Variants in METTL3 observed in about 807,000 individuals in gnomAD.
METTL3 encodes methyltransferase 3, N6-adenosine-methyltransferase complex catalytic subunit.
Under a neutral mutation model 64.3 loss-of-function variants are expected in METTL3, and 42 were observed. The ratio of observed to expected loss-of-function variants is 0.65; its 90% CI spans 0.51 to 0.84. The LOEUF (loss-of-function observed/expected upper bound fraction) is 0.84, where lower values mean the gene tolerates loss of function less well. Ranked by LOEUF, METTL3 falls within the 40% of genes least tolerant of loss-of-function variation. METTL3 has a pLI of 0.00. For synonymous variants in METTL3, 256 were observed against 263.6 expected (o/e 0.97, Z 0.28); for missense variants, 435 against 722.3 (o/e 0.60, Z 4.56).
Position 21,503,442 on chromosome 14 carries a change from T to C in METTL3, c.454A>G (p.Lys152Glu). Residue 152 changes from lysine to glutamate, a missense_variant, in exon 3 of 11, where the codon AAG becomes GAG. Around this residue, in one of 9 missense-constraint regions of METTL3, gnomAD observed 228 missense variants for 279.6 expected, o/e 0.82. Transcript: ENST00000298717. ...ACAGCACCCATCATGGCAGAGAGCT[T>C]GGAATGGTCAGCATAGGTTACAAGA... ...PTLVTYADHS[K>E]LSAMMGAVAE... 1 of 1,614,024 alleles carries C rather than the reference T, an allele frequency of 6.2e-7. No homozygotes were observed. The highest frequency in any genetic ancestry group is 8.5e-7 in the Non-Finnish European group (1 of 1,180,022).
intron 6 of METTL3, 25 bp from the exon 7 acceptor site, chr14:21,499,827 T>A: frequency 6.2e-7 from 1 of 1,609,096 alleles, no homozygotes; most frequent in Non-Finnish European, 8.5e-7. Context: ...GTTAAACAAC[T>A]ATTTGTATGC....
intron 5 of METTL3, 84 bp from the exon 6 acceptor site, chr14:21,500,766 C>A: frequency 6.7e-7 from 1 of 1,493,542 alleles, no homozygotes; most frequent in Non-Finnish European, 9.1e-7. Flanking sequence ...TTGATTTTTC[C>A]TATTCCCTTA....
In METTL3 at chr14:21,499,763, C is replaced by A; in HGVS notation, c.1343+1G>T. ...AAGAAAGCAACACAACCACTACTTA[C>A]CCCCAGAGGTTTAGACATTCTCTCC... On this transcript the variant is annotated splice_donor_variant, in intron 7 of 10. Transcript: ENST00000298717. LOFTEE classifies it high-confidence loss of function. The A allele has an allele frequency of 6.2e-7, 1 of 1,612,662 alleles. No individual in the cohort carries two copies. Among genetic ancestry groups the A allele is most frequent in the Non-Finnish European group, 8.5e-7 (1 of 1,178,706 alleles).
intron 1 of METTL3, among the ~76,000 whole-genome samples, chr14:21,506,540 C>T (rs1042820681): frequency 2.6e-5 from 4 of 151,826 alleles, no homozygotes; most frequent in Non-Finnish European, 5.9e-5. Context: ...GGTGACAGAG[C>T]GAGACTCCGT....
At position 21,509,056 on chromosome 14, in the gene METTL3, T is replaced by C. The variant is rs578218755; in HGVS notation, c.100+2068A>G. On this transcript the variant is annotated intron_variant, in intron 1 of 10. Transcript: ENST00000298717. ...AGCGGCTTTTTAAAAGTTAATTTTG[T>C]AGGCCAGGCATGGTGGCTCACGCCT... 1.8e-3 allele frequency among the ~76,000 whole-genome samples: 275 copies of C among 151,226 alleles called. 1 individual carries two copies. Among genetic ancestry groups the C allele is most frequent in the Middle Eastern group, 0.015 (4 of 270 alleles).
chr14:21,510,210 T>A (rs1404331540), intron 1 of METTL3, among the ~76,000 whole-genome samples: 2 of 152,224 alleles, frequency 1.3e-5, no homozygotes, highest in Admixed American at 6.5e-5. Flanking sequence ...TTTTGTCTAA[T>A]TAGACCCATG....
rs751076773 is a variant in METTL3, at chr14:21,499,781, TTCTC to T, written c.1322_1325del (p.Arg441AsnfsTer3). On this transcript the variant is annotated frameshift_variant, in exon 7 of 11. Coordinates refer to ENST00000298717, the MANE Select transcript of METTL3 (RefSeq NM_019852.5). LOFTEE classifies it high-confidence loss of function. ...CTACTTACCCCCAGAGGTTTAGACA[TTCTC>T]TCCCCAACTCCATGGCCCTAGAAAG... The T allele has an allele frequency of 6.2e-7, 1 of 1,613,218 alleles. No homozygotes were observed. Among genetic ancestry groups the T allele is most frequent in the Admixed American group, 1.7e-5 (1 of 59,996 alleles).
At chr14:21,498,844 G>A (rs1457333512) in intron 10 of METTL3, 181 bp downstream of exon 10, 1 of 581,660 alleles carries the variant, frequency 1.7e-6, no homozygotes, top group East Asian at 2.9e-5. Flanking sequence ...AGAACCTGTT[G>A]AGTTTCTAAT....
chr14:21,504,380 C>A (rs1891646773), intron 1 of METTL3: 2 of 155,424 alleles, frequency 1.3e-5, no homozygotes, highest in African/African-American at 4.8e-5. Context: ...AATCTTAATA[C>A]TTTGCTGAAG....
At position 21,503,892 on chromosome 14, in the gene METTL3, A is replaced by T; in HGVS notation, c.101-11T>A. 1 of 1,611,792 alleles carries T rather than the reference A, an allele frequency of 6.2e-7. No homozygotes were observed. ...CTGGATTCCGTAGATCTAAGAATGA[A>T]GAGAAGTGAAAATGAAAAAAGGCAA... On this transcript the variant is annotated splice_polypyrimidine_tract_variant and intron_variant, in intron 1 of 10. Transcript: ENST00000298717.
At chr14:21,498,741 A>AG (rs1289747203) in intron 10 of METTL3, 2 of 471,270 alleles carry the variant, frequency 4.2e-6, no homozygotes, top group South Asian at 2.9e-5. Flanking sequence ...CGTAACCACC[A>AG]GGGGGCAGAT....
In METTL3 at chr14:21,499,565, G is replaced by A; in HGVS notation, c.1379C>T (p.Thr460Ile). ...ERVDEIIWVK[T>I]NQLQRIIRTG... ...CCGAATGATGCGTTGCAGTTGATTT[G>A]TCTTCACCCAAATAATTTCATCTAC... The change falls in exon 8 of 11, where the codon ACA becomes ATA. Residue 460 changes from threonine (T) to isoleucine (I), a missense_variant. By Grantham distance (89) the Thr-to-Ile change is moderately conservative (BLOSUM62 -1). Around this residue, in one of 9 missense-constraint regions of METTL3, gnomAD observed 36 missense variants for 73.0 expected, o/e 0.49. Coordinates refer to ENST00000298717, the MANE Select transcript of METTL3 (RefSeq NM_019852.5). The A allele has an allele frequency of 6.2e-7, 1 of 1,614,150 alleles. No homozygotes were observed. Among genetic ancestry groups the A allele is most frequent in the Non-Finnish European group, 8.5e-7 (1 of 1,180,026 alleles).
chr14:21,509,562 A>G, intron 1 of METTL3: 1 of 151,974 alleles, frequency 6.6e-6, no homozygotes, highest in East Asian at 1.9e-4. Flanking sequence ...TGGGCAACAT[A>G]ATGAGACCAT....
At chr14:21,508,832 T>G (rs1409544350) in intron 1 of METTL3, among the ~76,000 whole-genome samples, 1 of 152,110 alleles carries the variant, frequency 6.6e-6, no homozygotes, top group Non-Finnish European at 1.5e-5. Context: ...AGGCGGAGGT[T>G]GCGGTGAGCC....
intron 1 of METTL3, among the ~76,000 whole-genome samples, chr14:21,505,177 C>G (rs996178593): frequency 4.0e-5 from 6 of 151,308 alleles, no homozygotes; most frequent in Admixed American, 3.9e-4. Flanking sequence ...CACAAGGTGG[C>G]CTGTGCCTGT....
Position 21,501,774 on chromosome 14 carries a change from T to C in METTL3, c.853A>G (p.Met285Val). The change falls in exon 4 of 11, where the codon ATG becomes GTG. Residue 285 changes from methionine to valine, a missense_variant. Physicochemically the swap from Met to Val is conservative, Grantham distance 21. Around this residue, in one of 9 missense-constraint regions of METTL3, gnomAD observed 40 missense variants for 89.6 expected, o/e 0.45. Coordinates refer to ENST00000298717, the MANE Select transcript of METTL3 (RefSeq NM_019852.5). The part of the protein sequence containing the change: ...FCDYGTKEEC[M>V]KASDADRPCR... The stretch of plus-strand genomic sequence containing the variant: ...GGTCGATCAGCATCACTGGCTTTCA[T>C]GCACTCCTCCTTGGTTCCATAGTCA... 2 of 1,614,190 alleles carry C rather than the reference T, an allele frequency of 1.2e-6. No individual in the cohort carries two copies. Among genetic ancestry groups the C allele is most frequent in the Non-Finnish European group, 1.7e-6 (2 of 1,180,030 alleles).
At chr14:21,502,604 T>A (rs1346223851) in intron 3 of METTL3, 2 of 154,590 alleles carry the variant, frequency 1.3e-5, no homozygotes, top group African/African-American at 4.8e-5. Flanking sequence ...TGGTATTATC[T>A]TCATGTTACA....
chr14:21,507,334 T>G (rs1160932604), intron 1 of METTL3, among the ~76,000 whole-genome samples: 2 of 152,098 alleles, frequency 1.3e-5, no homozygotes, highest in Admixed American at 6.6e-5. Flanking sequence ...AGTTCAGTAG[T>G]CGGTAATTAT....
intron 10 of METTL3, chr14:21,498,620 A>C: frequency 1.9e-6 from 1 of 538,590 alleles, no homozygotes. Flanking sequence ...CCTGCTTCAC[A>C]GAGTTGCTAC....
Sources: allele counts gnomAD v4.1 joint callset (sites outside exome capture counted in the v4.1 genomes callset), GRCh38; gene constraint gnomAD v4.1.1; regional missense constraint gnomAD v4.1.1; transcripts MANE v1.5; gene names NCBI Gene and HGNC (gene_info 2026-07-23, HGNC 2026-07-21).